HDAC5: variants seen among roughly 807,000 people sequenced by gnomAD.
HDAC5 encodes histone deacetylase 5, also known as antigen NY-CO-9.
In HDAC5, 25 loss-of-function variants were observed where a neutral mutation model predicts 133.3. The ratio of observed to expected loss-of-function variants is 0.19; its 90% CI spans 0.14 to 0.26. HDAC5 has a LOEUF of 0.26. Ranked by LOEUF, HDAC5 falls within the 10% of genes least tolerant of loss-of-function variation. HDAC5 has a pLI of 1.00. For missense variants in HDAC5, 1,041 were observed against 1,460.5 expected, an observed-to-expected ratio of 0.71 and a Z score of 4.68; for synonymous variants, 589 against 610.8, an observed-to-expected ratio of 0.96 and a Z score of 0.53.
intron 2 of HDAC5, 134 bp from the exon 3 acceptor site, chr17:44,110,934 C>A (rs2052299943): frequency 4.2e-6 from 3 of 713,634 alleles, no homozygotes; most frequent in Non-Finnish European, 7.3e-6. Flanking sequence ...GGTGGTCGGG[C>A]AGCCCGCACA....
intron 18 of HDAC5, 90 bp downstream of exon 18, chr17:44,083,455 C>T (rs1326366688): frequency 1.0e-5 from 9 of 876,652 alleles, no homozygotes; most frequent in African/African-American, 3.3e-5. Context: ...GACAGTGCCT[C>T]ACTGAAAGGA....
At chr17:44,110,868 C>A (rs745409947) in intron 2 of HDAC5, 68 bp from the exon 3 acceptor site, 1 of 1,362,000 alleles carries the variant, frequency 7.3e-7, no homozygotes, top group African/African-American at 1.4e-5. Context: ...GAGCCTTGGG[C>A]ACCAGCAGCA....
chr17:44,113,222 A>T (rs571395173), intron 2 of HDAC5, among the ~76,000 whole-genome samples: 1 of 152,274 alleles, frequency 6.6e-6, no homozygotes, highest in Non-Finnish European at 1.5e-5. Flanking sequence ...CAGGACTCAA[A>T]AGCAGGGCCC....
intron 11 of HDAC5, among the ~76,000 whole-genome samples, chr17:44,090,392 T>G (rs1461975270): frequency 6.6e-6 from 1 of 152,186 alleles, no homozygotes; most frequent in African/African-American, 2.4e-5. Context: ...CTCTTTTTTT[T>G]GAGACAGAGT....
chr17:44,109,376 G>A (rs1015610495), intron 3 of HDAC5, among the ~76,000 whole-genome samples: 1 of 152,220 alleles, frequency 6.6e-6, no homozygotes, highest in East Asian at 1.9e-4. Context: ...TGTGTAGGGG[G>A]CCCCCAGGCA....
intron 3 of HDAC5, among the ~76,000 whole-genome samples, chr17:44,095,856 G>A (rs1409634839): frequency 6.6e-6 from 1 of 152,056 alleles, no homozygotes; most frequent in East Asian, 1.9e-4. Context: ...GTCTTACGGA[G>A]AACCGGCTGG....
intron 3 of HDAC5, among the ~76,000 whole-genome samples, chr17:44,108,111 G>A (rs1034150150): frequency 9.9e-5 from 15 of 152,178 alleles, no homozygotes; most frequent in African/African-American, 1.9e-4. Flanking sequence ...AGCTGTGGTA[G>A]GGTGGCCAGG....
At chr17:44,079,656 A>AG (rs1415757123) in intron 23 of HDAC5, among the ~76,000 whole-genome samples, 5 of 151,684 alleles carry the variant, frequency 3.3e-5, no homozygotes, top group Middle Eastern at 3.4e-3. Context: ...AAAAAAAAAA[A>AG]AAAAGAAAGA....
chr17:44,114,232 A>AG (rs2052509315), intron 2 of HDAC5, among the ~76,000 whole-genome samples: 1 of 152,244 alleles, frequency 6.6e-6, no homozygotes, highest in Non-Finnish European at 1.5e-5. Flanking sequence ...GAGGTGTGCC[A>AG]GGGGGCATCT....
chr17:44,086,760 G>C, intron 13 of HDAC5, 23 bp from the exon 14 acceptor site: 1 of 1,283,636 alleles, frequency 7.8e-7, no homozygotes, highest in Non-Finnish European at 9.9e-7. Flanking sequence ...ATGGGAGGGG[G>C]CCTGGGTCAG....
chr17:44,088,449 T>C lies in HDAC5; in HGVS notation c.1537A>G (p.Met513Val). The C allele has an allele frequency of 1.9e-6, 3 of 1,598,666 alleles. No individual in the cohort carries two copies. Among genetic ancestry groups the C allele is most frequent in the Non-Finnish European group, 2.6e-6 (3 of 1,173,178 alleles). Residue 513 changes from methionine (M) to valine (V), a missense_variant, in exon 12 of 27, where the codon ATG (methionine) becomes GTG (valine). Coordinates refer to ENST00000682912, the MANE Select transcript of HDAC5 (RefSeq NM_005474.5). ...AGGAACTGCTGGTGCTGTTGTTGCATGACCAGCTGCTGCAGGGCCTGGGGA... is the reference window on the plus strand; with the variant it reads ...AGGAACTGCTGGTGCTGTTGTTGCACGACCAGCTGCTGCAGGGCCTGGGGA... Reference protein sequence around the residue: ...QSPQALQQLVMQQQHQQFLEK... With the variant: ...QSPQALQQLVVQQQHQQFLEK...
At chr17:44,089,721 T>A (rs1269554632) in intron 11 of HDAC5, among the ~76,000 whole-genome samples, 2 of 107,644 alleles carry the variant, frequency 1.9e-5, no homozygotes, top group East Asian at 3.2e-4. Context: ...CACTCCAGCC[T>A]GGGCAACAAG....
Position 44,088,380 on chromosome 17 carries a change from G to T in HDAC5, c.1599+7C>A, listed in dbSNP as rs753499240. 6.5e-7 allele frequency: 1 copy of T among 1,548,240 alleles called. No homozygotes were observed. Among genetic ancestry groups the T allele is most frequent in the South Asian group, 1.2e-5 (1 of 84,050 alleles). ...CAGCCCCAGGCCATTCACCTTTCCA[G>T]GCTCACCTTGCCCAGCTGTAGCTGC... is the stretch of plus-strand genomic sequence containing the variant. On this transcript the variant is annotated splice_region_variant and intron_variant, in intron 12 of 26. Coordinates refer to ENST00000682912, the MANE Select transcript of HDAC5 (RefSeq NM_005474.5).
chr17:44,081,247 ATTCT>A (rs951240926), intron 20 of HDAC5, among the ~76,000 whole-genome samples: 15 of 150,788 alleles, frequency 9.9e-5, no homozygotes, highest in African/African-American at 3.7e-4. Context: ...GGCAGATGAG[ATTCT>A]TTCTTTTTTT....
chr17:44,078,538 C>A lies in HDAC5; in HGVS notation c.3291G>T (p.Glu1097Asp). Residue 1097 changes from glutamate (E) to aspartate (D), a missense_variant, in exon 26 of 27, where the codon GAG becomes GAT. Coordinates refer to ENST00000682912, the MANE Select transcript of HDAC5 (RefSeq NM_005474.5). ...SAMALLSVGA[E>D]QAQAAAAREH... ...CCCGGGCTGCCGCAGCCTGGGCCTG[C>A]TCGGCCCCCACCGACAGCAAGGCCA... The A allele has an allele frequency of 6.2e-7, 1 of 1,612,224 alleles. No individual in the cohort carries two copies. The highest frequency in any genetic ancestry group is 1.3e-5 in the African/African-American group (1 of 75,036).
chr17:44,116,164 C>CA (rs1335116727), intron 2 of HDAC5, among the ~76,000 whole-genome samples: 1 of 152,374 alleles, frequency 6.6e-6, no homozygotes, highest in East Asian at 1.9e-4. Context: ...GCAGGGACTG[C>CA]AGATGGCTCC....
Position 44,086,741 on chromosome 17 carries a change from G to T in HDAC5, c.1885-4C>A. On this transcript the variant is annotated splice_region_variant and splice_polypyrimidine_tract_variant and intron_variant, in intron 13 of 26. Coordinates refer to ENST00000682912, the MANE Select transcript of HDAC5 (RefSeq NM_005474.5). ...GCGGCTGGGCATCTGAGAACAGCTG[G>T]AGGGGAGAATGGGAGGGGGCCTGGG... 1 of 1,293,256 alleles carries T rather than the reference G, an allele frequency of 7.7e-7. No individual in the cohort carries two copies. The allele number at this position is 1,293,256 out of a possible 1,614,324, so 80.1% of individuals were successfully genotyped here. A position where few individuals can be genotyped will look rare whatever the true frequency, so the allele number is the denominator to read the frequency against.
At chr17:44,102,050 C>T (rs978170837) in intron 3 of HDAC5, among the ~76,000 whole-genome samples, 2 of 152,190 alleles carry the variant, frequency 1.3e-5, no homozygotes, top group African/African-American at 2.4e-5. Flanking sequence ...AGGAGGCCCC[C>T]GAGGCTAGAA....
chr17:44,088,682 C>A, intron 11 of HDAC5, 84 bp from the exon 12 acceptor site: 1 of 1,519,174 alleles, frequency 6.6e-7, no homozygotes. Context: ...GCCCCCACAA[C>A]CCCCTCTGGC....
Sources: allele counts gnomAD v4.1 joint callset (sites outside exome capture counted in the v4.1 genomes callset), GRCh38; gene constraint gnomAD v4.1.1; transcripts MANE v1.5; gene names NCBI Gene and HGNC (gene_info 2026-07-23, HGNC 2026-07-21).